Variants in INSC observed in about 807,000 individuals in gnomAD.
INSC encodes protein inscuteable homolog.
INSC carries 67 observed loss-of-function variants against 58.6 expected under a neutral mutation model. The observed-to-expected ratio is 1.14, with a 90% CI of 0.94 to 1.40. The LOEUF (loss-of-function observed/expected upper bound fraction) is 1.40, where lower values mean the gene tolerates loss of function less well. Ranked by LOEUF, INSC falls within the 40% of genes most tolerant of loss-of-function variation. INSC has a pLI of 0.00. For synonymous variants in INSC, 262 were observed against 276.1 expected, an observed-to-expected ratio of 0.95 and a Z score of 0.51; for missense variants, 714 against 692.0, an observed-to-expected ratio of 1.03 and a Z score of -0.36.
At position 15,246,162 on chromosome 11, in the gene INSC, T is replaced by G; in HGVS notation, c.*122T>G. 1 of 1,084,434 alleles carries G rather than the reference T, an allele frequency of 9.2e-7. No individual in the cohort carries two copies. Among genetic ancestry groups the G allele is most frequent in the East Asian group, 2.5e-5 (1 of 40,092 alleles). The allele number at this position is 1,084,434 out of a possible 1,614,324, so 67.2% of individuals were successfully genotyped here. On this transcript the variant is annotated 3_prime_UTR_variant, in exon 13 of 13. Transcript: ENST00000379556. ...CTTATTTATACTTAACTTATTTTTG[T>G]GTGAAATAAATGGAGGACAAAATCT...
intron 1 of INSC, among the ~76,000 whole-genome samples, chr11:15,118,500 C>A (rs1763882473): frequency 6.6e-6 from 1 of 152,148 alleles, no homozygotes; most frequent in African/African-American, 2.4e-5. Context: ...TTATGTCAAC[C>A]CAAGCTGGTG....
intron 2 of INSC, among the ~76,000 whole-genome samples, chr11:15,159,799 T>C (rs992301492): frequency 1.3e-5 from 2 of 152,180 alleles, no homozygotes; most frequent in Admixed American, 6.5e-5. Flanking sequence ...ATTGTGAGAA[T>C]CAACTGAGAT....
rs143332590 is a variant in INSC at position 15,115,923 on chromosome 11, C to T, written c.-46+920C>T. Among the ~76,000 whole-genome samples the T allele has an allele frequency of 3.3e-3, 510 of 152,348 alleles. 5 individuals are homozygous for T. The highest frequency in any genetic ancestry group is 0.011 in the African/African-American group (456 of 41,572). ...CCACCCTCAGCCGCTAGCCTCCTCC[C>T]ACTTTTGCCCCTTTTAATCTATATA... On this transcript the variant is annotated intron_variant, in intron 1 of 12. Transcript: ENST00000379556.
Position 15,237,845 on chromosome 11 carries a change from T to G in INSC, c.1238-1074T>G, listed in dbSNP as rs748999119. Among the ~76,000 whole-genome samples, 138 of 152,270 alleles carry G rather than the reference T, an allele frequency of 9.1e-4. 1 individual carries two copies. In the Middle Eastern group the frequency reaches 0.01, roughly 11 times the overall value. ...AGAAATGAGGTCCTAGGGTTAAAAT[T>G]CAGGAGGCAGTTTCAGAAGTCAGAA... is the stretch of plus-strand genomic sequence containing the variant. On this transcript the variant is annotated intron_variant, in intron 10 of 12. Transcript: ENST00000379556.
At chr11:15,156,882 T>A (rs191509433) in intron 2 of INSC, among the ~76,000 whole-genome samples, 1 of 152,326 alleles carries the variant, frequency 6.6e-6, no homozygotes, top group East Asian at 1.9e-4. Flanking sequence ...TTTCTTGGTA[T>A]GAGACTTTGC....
chr11:15,221,684 A>G, intron 8 of INSC, 36 bp downstream of exon 8: 1 of 1,572,990 alleles, frequency 6.4e-7, no homozygotes, highest in South Asian at 1.2e-5. Flanking sequence ...ACTAGGAGAG[A>G]GGGCCTTGGC....
intron 12 of INSC, among the ~76,000 whole-genome samples, chr11:15,242,039 T>G (rs548540248): frequency 2.8e-4 from 42 of 152,212 alleles, no homozygotes; most frequent in Non-Finnish European, 2.9e-4. Flanking sequence ...TAAGTTTCAG[T>G]TACAGGTTGG....
rs1042393596 is a variant in INSC at position 15,246,144 on chromosome 11, A to G, written c.*104A>G. The G allele has an allele frequency of 1.6e-6, 2 of 1,223,718 alleles. No homozygotes were observed. 75.8% of individuals were successfully genotyped at this position (1,223,718 alleles called of 1,614,324 possible). ...ACCAGCTCTCCTCATCTTCTTATTTATACTTAACTTATTTTTGTGTGAAAT... is the reference window on the plus strand; with the variant it reads ...ACCAGCTCTCCTCATCTTCTTATTTGTACTTAACTTATTTTTGTGTGAAAT... On this transcript the variant is annotated 3_prime_UTR_variant, in exon 13 of 13. Coordinates refer to ENST00000379556, the MANE Select transcript of INSC (RefSeq NM_001042536.3).
chr11:15,225,520 T>G, intron 8 of INSC, 130 bp from the exon 9 acceptor site: 1 of 924,230 alleles, frequency 1.1e-6, no homozygotes, highest in Non-Finnish European at 1.6e-6. Flanking sequence ...GTAGCCACTT[T>G]CCTCATCTGT....
chr11:15,192,918 T>C (rs958492932), intron 6 of INSC, among the ~76,000 whole-genome samples: 2 of 152,236 alleles, frequency 1.3e-5, no homozygotes, highest in African/African-American at 4.8e-5. Flanking sequence ...TATTTGACTC[T>C]GTTATATTTC....
intron 5 of INSC, among the ~76,000 whole-genome samples, chr11:15,179,575 C>T (rs1379619616): frequency 6.6e-6 from 1 of 152,302 alleles, no homozygotes; most frequent in South Asian, 2.1e-4. Flanking sequence ...TCCCACAGGC[C>T]CCCATGTCAG....
chr11:15,223,246 A>G (rs1851512222), intron 8 of INSC, among the ~76,000 whole-genome samples: 1 of 152,252 alleles, frequency 6.6e-6, no homozygotes. Flanking sequence ...AAACAAAAGT[A>G]CATGTAGTCC....
the INSC span, among the ~76,000 whole-genome samples, chr11:15,267,175 T>G: frequency 6.6e-6 from 1 of 152,022 alleles, no homozygotes; most frequent in Non-Finnish European, 1.5e-5. Flanking sequence ...TTTGCTCCAC[T>G]GCCTTCTGGC....
At chr11:15,118,884 CT>C (rs911601072) in intron 1 of INSC, among the ~76,000 whole-genome samples, 88 of 152,306 alleles carry the variant, frequency 5.8e-4, no homozygotes, top group African/African-American at 2.0e-3. Flanking sequence ...CTCTTTCCAT[CT>C]TTTGTTTCAT....
chr11:15,159,898 AC>A (rs369148306), intron 2 of INSC, among the ~76,000 whole-genome samples: 94 of 152,302 alleles, frequency 6.2e-4, no homozygotes, highest in African/African-American at 2.2e-3. Context: ...TATCCCCCTG[AC>A]CCTCACAACC....
intron 5 of INSC, among the ~76,000 whole-genome samples, chr11:15,181,856 T>A (rs1355308460): frequency 1.3e-5 from 2 of 152,182 alleles, no homozygotes; most frequent in Non-Finnish European, 2.9e-5. Context: ...CAAAATCTGC[T>A]CAGTGGGAGA....
At chr11:15,167,026 G>C (rs1169252892) in intron 2 of INSC, among the ~76,000 whole-genome samples, 1 of 151,870 alleles carries the variant, frequency 6.6e-6, no homozygotes, top group East Asian at 1.9e-4. Flanking sequence ...TTCAATAAAA[G>C]TTATTATTAC....
rs186270276 is a variant in INSC at position 15,137,195 on chromosome 11, C to T, written c.-45-11935C>T. On this transcript the variant is annotated intron_variant, in intron 1 of 12. Coordinates refer to ENST00000379556, the MANE Select transcript of INSC (RefSeq NM_001042536.3). ...AGCTTAAAATACTCAGTAAAACATGCTATAAACAGATGTGCTGTCATCTAG... is the reference window on the plus strand; with the variant it reads ...AGCTTAAAATACTCAGTAAAACATGTTATAAACAGATGTGCTGTCATCTAG... Among the ~76,000 whole-genome samples, 237 of 152,256 alleles carry T rather than the reference C, an allele frequency of 1.6e-3. No homozygotes were observed. The Middle Eastern group carries it at 0.02, about 13-fold the overall frequency.
chr11:15,149,836 CCTCT>C (rs151053281), intron 2 of INSC, among the ~76,000 whole-genome samples: 1 of 152,036 alleles, frequency 6.6e-6, no homozygotes, highest in East Asian at 1.9e-4. Context: ...GAGCCTGAAC[CCTCT>C]CTCTCTCCCA....
Sources: allele counts gnomAD v4.1 joint callset (sites outside exome capture counted in the v4.1 genomes callset), GRCh38; gene constraint gnomAD v4.1.1; transcripts MANE v1.5; gene names NCBI Gene and HGNC (gene_info 2026-07-23, HGNC 2026-07-21).